Variants in HDX observed in about 807,000 individuals in gnomAD.
HDX encodes the protein chromosome X open reading frame 43.
In HDX, 19 loss-of-function variants were observed where a neutral mutation model predicts 45.2. That is an observed-to-expected ratio of 0.42 (90% CI 0.29 to 0.62). HDX has a LOEUF of 0.62. HDX is among the 20% of genes least tolerant of loss of function. HDX has a pLI of 0.20. For synonymous variants in HDX, 188 were observed against 172.8 expected, an observed-to-expected ratio of 1.09 and a Z score of -0.69; for missense variants, 532 against 493.9, an observed-to-expected ratio of 1.08 and a Z score of -0.73.
At chrX:84,437,014 C>T (rs1489031340) in intron 5 of HDX, among the ~76,000 whole-genome samples, 1 of 110,351 alleles carries the variant, frequency 9.1e-6, no homozygotes, top group Non-Finnish European at 1.9e-5. Flanking sequence ...TATGTGGGTC[C>T]TCCAGTATTG....
intron 5 of HDX, among the ~76,000 whole-genome samples, chrX:84,434,809 T>C (rs1225904283): frequency 9.0e-6 from 1 of 111,594 alleles, no homozygotes; most frequent in Non-Finnish European, 1.9e-5. Context: ...TGGACTTTTA[T>C]TTTTTGGAAA....
At chrX:84,477,243 C>A (rs1242780566) in intron 2 of HDX, among the ~76,000 whole-genome samples, 1 of 111,465 alleles carries the variant, frequency 9.0e-6, no homozygotes, top group Non-Finnish European at 1.9e-5. Flanking sequence ...TACTTCAAAT[C>A]ATTAATGTAC....
In HDX at chrX:84,365,936, C is replaced by T. The variant is rs754459414; in HGVS notation, c.1306-4324G>A. Among the ~76,000 whole-genome samples the T allele has an allele frequency of 2.7e-5, 3 of 111,940 alleles. No individual in the cohort carries two copies. The South Asian group carries it at 1.1e-3, about 42-fold the overall frequency. On this transcript the variant is annotated intron_variant, in intron 5 of 10. Coordinates refer to ENST00000373177, the MANE Select transcript of HDX (RefSeq NM_001177479.2). Reference sequence around the variant, plus strand: ...TGAAAACTGGCACAAAGCAAGGATGCCCTCTCTCACCACTCCAATTCAACA... The same window carrying T: ...TGAAAACTGGCACAAAGCAAGGATGTCCTCTCTCACCACTCCAATTCAACA...
At chrX:84,490,202 GT>G (rs1306743188) in intron 1 of HDX, among the ~76,000 whole-genome samples, 1 of 109,997 alleles carries the variant, frequency 9.1e-6, no homozygotes, top group Non-Finnish European at 1.9e-5. Context: ...CTAACATTTG[GT>G]TTCATTGCAT....
chrX:84,351,149 T>C (rs1215175202), intron 6 of HDX, among the ~76,000 whole-genome samples: 1 of 110,230 alleles, frequency 9.1e-6, no homozygotes, highest in Non-Finnish European at 1.9e-5. Context: ...CTTCTTTTAC[T>C]CCTGGGTGGA....
In HDX at chrX:84,454,917, A is replaced by G. The variant is rs149225945; in HGVS notation, c.1251+13555T>C. Among the ~76,000 whole-genome samples, 550 of 110,475 alleles carry G rather than the reference A, an allele frequency of 5.0e-3. 3 individuals carry two copies. Among genetic ancestry groups the G allele is most frequent in the African/African-American group, 0.017 (521 of 30,331 alleles). On this transcript the variant is annotated intron_variant, in intron 4 of 10. Transcript: ENST00000373177. ...ACAAAAAGTAAGGGAAGAGAACAAG[A>G]GTCTCTGCTTGGTAATCCAGATGGT...
chrX:84,333,809 T>C lies in HDX; in HGVS notation c.1774A>G (p.Met592Val). 5 of 967,361 alleles carry C rather than the reference T, an allele frequency of 5.2e-6. No individual in the cohort carries two copies. Among genetic ancestry groups the C allele is most frequent in the Non-Finnish European group, 7.3e-6 (5 of 684,421 alleles). The allele number at this position is 967,361 out of a possible 1,213,427, so 79.7% of individuals were successfully genotyped here. A position where few individuals can be genotyped will look rare whatever the true frequency, so the allele number is the denominator to read the frequency against. The change falls in exon 9 of 11, where the codon ATG becomes GTG. Residue 592 changes from methionine to valine, a missense_variant. Physicochemically the swap from Met to Val is conservative, Grantham distance 21. This residue lies in a region of HDX where 151 missense variants were observed against 131.8 expected (regional missense o/e 1.15). Coordinates refer to ENST00000373177, the MANE Select transcript of HDX (RefSeq NM_001177479.2). ...IEIIDDEESD[M>V]ISNSEVEQVN... ...TGTTCTACTTCAGAATTACTTATCA[T>C]GTCACTTTCTTCATCATCAATAATT... is the stretch of plus-strand genomic sequence containing the variant.
chrX:84,466,014 A>C (rs1299998087), intron 4 of HDX, among the ~76,000 whole-genome samples: 1 of 111,499 alleles, frequency 9.0e-6, no homozygotes, highest in African/African-American at 3.3e-5. Context: ...CTTCTCCACC[A>C]TACTCTCTCA....
At chrX:84,466,369 G>C (rs2040352906) in intron 4 of HDX, among the ~76,000 whole-genome samples, 1 of 111,566 alleles carries the variant, frequency 9.0e-6, no homozygotes, top group Non-Finnish European at 1.9e-5. Context: ...TAAAGAGACT[G>C]TTACACAAAG....
chrX:84,399,597 A>G lies in HDX; in HGVS notation c.1306-37985T>C, dbSNP rs527401752. Among the ~76,000 whole-genome samples, 30 of 111,748 alleles carry G rather than the reference A, an allele frequency of 2.7e-4. No homozygotes were observed. In the East Asian group the frequency reaches 6.5e-3, roughly 24 times the overall value. ...TAGCCTACTAACTAAAAAAAAGCCC[A>G]AGAGCAGACATATTCATAGCCAAAT... is the stretch of plus-strand genomic sequence containing the variant. On this transcript the variant is annotated intron_variant, in intron 5 of 10. Transcript: ENST00000373177.
chrX:84,396,783 A>C (rs747440849), intron 5 of HDX, among the ~76,000 whole-genome samples: 1 of 110,837 alleles, frequency 9.0e-6, no homozygotes, highest in South Asian at 3.8e-4. Context: ...CCCTGGGAGG[A>C]GTGCTCAAGG....
At chrX:84,476,308 A>G (rs1168080584) in intron 2 of HDX, among the ~76,000 whole-genome samples, 2 of 110,810 alleles carry the variant, frequency 1.8e-5, no homozygotes, top group East Asian at 5.7e-4. Context: ...TGTCACACTA[A>G]ACTTGTTAAT....
At chrX:84,377,440 TGTTACCTTTCAGAC>T (rs2038083751) in intron 5 of HDX, among the ~76,000 whole-genome samples, 1 of 111,656 alleles carries the variant, frequency 9.0e-6, no homozygotes, top group Non-Finnish European at 1.9e-5. Context: ...AGCAGAGATA[TGTTACCTTTCAGAC>T]AGAGAATGGA....
At chrX:84,421,739 T>A (rs1331527996) in intron 5 of HDX, among the ~76,000 whole-genome samples, 1 of 109,167 alleles carries the variant, frequency 9.2e-6, no homozygotes, top group African/African-American at 3.3e-5. Context: ...TCCATGCCAA[T>A]GGAAATCAAA....
intron 8 of HDX, among the ~76,000 whole-genome samples, chrX:84,334,788 T>G (rs2147778030): frequency 9.1e-6 from 1 of 110,178 alleles, no homozygotes; most frequent in African/African-American, 3.3e-5. Flanking sequence ...CAAAGAAAAT[T>G]TTTAAAGAGG....
chrX:84,432,040 A>G (rs1208903517), intron 5 of HDX, among the ~76,000 whole-genome samples: 1 of 111,278 alleles, frequency 9.0e-6, no homozygotes, highest in Non-Finnish European at 1.9e-5. Context: ...TCCAGTTTCA[A>G]TCTTCTACAT....
At chrX:84,460,212 C>G (rs1207090332) in intron 4 of HDX, among the ~76,000 whole-genome samples, 1 of 111,672 alleles carries the variant, frequency 9.0e-6, no homozygotes, top group Non-Finnish European at 1.9e-5. Flanking sequence ...AATACCAAAA[C>G]CAGACAAAGA....
At chrX:84,464,460 A>G (rs2040302221) in intron 4 of HDX, among the ~76,000 whole-genome samples, 1 of 111,751 alleles carries the variant, frequency 8.9e-6, no homozygotes, top group Admixed American at 9.5e-5. Context: ...ACAGCATGGT[A>G]CTGGTACCAA....
At chrX:84,418,068 A>T (rs1422738446) in intron 5 of HDX, among the ~76,000 whole-genome samples, 1 of 112,014 alleles carries the variant, frequency 8.9e-6, no homozygotes. Flanking sequence ...TTAGAAACAA[A>T]AATTCTGAAT....
Sources: gnomAD v4.1 joint callset for allele counts (sites outside exome capture counted in the v4.1 genomes callset) on GRCh38, gnomAD v4.1.1 for gene constraint, gnomAD v4.1.1 regional missense constraint, MANE v1.5 for transcripts, NCBI Gene and HGNC (gene_info 2026-07-23, HGNC 2026-07-21) for gene names.